Variants in PPP2R5A observed in about 807,000 individuals in gnomAD.
PPP2R5A encodes protein phosphatase 2 regulatory subunit B'alpha.
Under a neutral mutation model 64.2 loss-of-function variants are expected in PPP2R5A, and 25 were observed. That is an observed-to-expected ratio of 0.39 (90% confidence interval 0.28 to 0.54). The LOEUF (loss-of-function observed/expected upper bound fraction) is 0.54, where lower values mean the gene tolerates loss of function less well. Ranked by LOEUF, PPP2R5A falls within the 20% of genes least tolerant of loss-of-function variation. The pLI is 0.67. For synonymous variants in PPP2R5A, 198 were observed against 201.2 expected (o/e 0.98, Z 0.13); for missense variants, 425 against 576.3 (o/e 0.74, Z 2.69).
intron 1 of PPP2R5A, among the ~76,000 whole-genome samples, chr1:212,326,783 A>G (rs776605996): frequency 1.3e-5 from 2 of 152,260 alleles, no homozygotes; most frequent in Non-Finnish European, 1.5e-5. Context: ...GTGTGGAGCT[A>G]TCTTATTTTA....
chr1:212,345,056 T>G (rs904102286), intron 4 of PPP2R5A, among the ~76,000 whole-genome samples: 1 of 151,640 alleles, frequency 6.6e-6, no homozygotes, highest in Admixed American at 6.6e-5. Flanking sequence ...TCCCAGCTAG[T>G]TGGGAGGCTG....
At chr1:212,341,476 T>C (rs1345274646) in intron 3 of PPP2R5A, among the ~76,000 whole-genome samples, 1 of 152,210 alleles carries the variant, frequency 6.6e-6, no homozygotes, top group Non-Finnish European at 1.5e-5. Flanking sequence ...TTGTTGACTC[T>C]GCATTTAAGA....
intron 1 of PPP2R5A, chr1:212,302,171 G>A (rs1658809693): frequency 7.6e-7 from 1 of 1,313,656 alleles, no homozygotes; most frequent in East Asian, 2.5e-5. Flanking sequence ...TAGATTTTCT[G>A]GGAAGATGCA....
Position 212,357,042 on chromosome 1 carries a change from C to G in PPP2R5A, c.1071C>G (p.Ser357=). 6.2e-7 allele frequency: 1 copy of G among 1,611,890 alleles called. No homozygotes were observed. The highest frequency in any genetic ancestry group is 1.3e-5 in the African/African-American group (1 of 74,904). Residue 357 remains serine, a synonymous_variant, in exon 10 of 13, where the codon TCC becomes TCG. Coordinates refer to ENST00000261461, the MANE Select transcript of PPP2R5A (RefSeq NM_006243.4). ...AAGAGCCACTTTTCAAGCAGATATC[C>G]AAGTGTGTATCCAGTTCTCATTTTC... ...KIEEPLFKQI[S]KCVSSSHFQV...
At chr1:212,359,240 T>C (rs575809424) in intron 12 of PPP2R5A, among the ~76,000 whole-genome samples, 1 of 152,300 alleles carries the variant, frequency 6.6e-6, no homozygotes, top group East Asian at 1.9e-4. Flanking sequence ...GCTTCCAGAG[T>C]GAGCTTTACT....
chr1:212,297,825 C>CTTTTTTTCTTTTTTTTA (rs1368421837), intron 1 of PPP2R5A: 1 of 22,120 alleles, frequency 4.5e-5, no homozygotes, highest in Non-Finnish European at 7.6e-5. Context: ...TTTTTTTTTT[C>CTTTTTTTCTTTTTTTTA]TTTTTTATTT....
At chr1:212,290,824 A>G (rs1658588779) in intron 1 of PPP2R5A, among the ~76,000 whole-genome samples, 1 of 152,236 alleles carries the variant, frequency 6.6e-6, no homozygotes. Flanking sequence ...GTCTTCCTGC[A>G]TCAGTGATGA....
At position 212,305,194 on chromosome 1, in the gene PPP2R5A, G is replaced by A. The variant is rs1028707735; in HGVS notation, c.181+18903G>A. Among the ~76,000 whole-genome samples, 8 of 151,016 alleles carry A rather than the reference G, an allele frequency of 5.3e-5. No individual in the cohort carries two copies. In the East Asian group the frequency reaches 1.6e-3, roughly 30 times the overall value. ...TGGGACTATAGGCGCCCGCTACCAC[G>A]CCTGGCTAATGTTTTGTATTTTTAG... On this transcript the variant is annotated intron_variant, in intron 1 of 12. Coordinates refer to ENST00000261461, the MANE Select transcript of PPP2R5A (RefSeq NM_006243.4).
intron 2 of PPP2R5A, among the ~76,000 whole-genome samples, chr1:212,329,820 A>G (rs887539746): frequency 5.9e-5 from 9 of 152,112 alleles, no homozygotes; most frequent in East Asian, 5.8e-4. Flanking sequence ...CAATTTTTGT[A>G]TCTTCAGTAG....
chr1:212,359,960 G>A (rs1660050714), intron 12 of PPP2R5A, among the ~76,000 whole-genome samples: 1 of 152,084 alleles, frequency 6.6e-6, no homozygotes, highest in Non-Finnish European at 1.5e-5. Context: ...AAAAGGATTT[G>A]TCCTTTTAAC....
intron 1 of PPP2R5A, among the ~76,000 whole-genome samples, chr1:212,286,637 T>C (rs1291048668): frequency 6.6e-6 from 1 of 152,174 alleles, no homozygotes; most frequent in East Asian, 1.9e-4. Flanking sequence ...CCTTTCCCGG[T>C]CTTGCTTTAA....
chr1:212,294,035 A>G (rs766842578), intron 1 of PPP2R5A, among the ~76,000 whole-genome samples: 9 of 152,234 alleles, frequency 5.9e-5, no homozygotes, highest in Non-Finnish European at 1.3e-4. Context: ...GATAATAGCT[A>G]AAAGAGGTTG....
At chr1:212,303,716 A>G (rs376198457) in intron 1 of PPP2R5A, among the ~76,000 whole-genome samples, 3 of 152,260 alleles carry the variant, frequency 2.0e-5, no homozygotes, top group African/African-American at 4.8e-5. Context: ...ATTTTTATAT[A>G]GGGTATGACT....
chr1:212,348,810 T>C (rs1013051527), intron 7 of PPP2R5A, among the ~76,000 whole-genome samples: 8 of 152,214 alleles, frequency 5.3e-5, no homozygotes, highest in Admixed American at 2.0e-4. Flanking sequence ...TGCAATAACC[T>C]AGACCTAGTT....
At chr1:212,312,551 T>G (rs1659059382) in intron 1 of PPP2R5A, among the ~76,000 whole-genome samples, 1 of 152,198 alleles carries the variant, frequency 6.6e-6, no homozygotes, top group Non-Finnish European at 1.5e-5. Context: ...TGGACTAGAA[T>G]TTTAGCTTTT....
chr1:212,352,467 T>TC (rs200056613), intron 8 of PPP2R5A, among the ~76,000 whole-genome samples: 97 of 151,362 alleles, frequency 6.4e-4, no homozygotes, highest in Non-Finnish European at 1.9e-4. Flanking sequence ...TTTTTTTTTT[T>TC]CAGACAGGAT....
In PPP2R5A at chr1:212,329,269, G is replaced by A; in HGVS notation, c.316G>A (p.Glu106Lys). The change falls in exon 2 of 13, where the codon GAG becomes AAG. Residue 106 changes from glutamate (E) to lysine (K), a missense_variant. Glu to Lys is a moderately conservative substitution (Grantham distance 56). Transcript: ENST00000261461. ...AAGAGCAACACTGAATGAACTGGTT[G>A]AGTATGTTTCAACTAATCGTGGTGT... ...IKRATLNELV[E>K]YVSTNRGVIV... 6.2e-7 allele frequency: 1 copy of A among 1,611,460 alleles called. No individual in the cohort carries two copies. Among genetic ancestry groups the A allele is most frequent in the Non-Finnish European group, 8.5e-7 (1 of 1,179,336 alleles).
rs1021144393 is a variant in PPP2R5A, at chr1:212,335,809, A to G, written c.480+2211A>G. Among the ~76,000 whole-genome samples, 5 of 152,372 alleles carry G rather than the reference A, an allele frequency of 3.3e-5. No homozygotes were observed. The East Asian group carries it at 7.7e-4, about 23-fold the overall frequency. On this transcript the variant is annotated intron_variant, in intron 3 of 12. Transcript: ENST00000261461. ...AAATGTAAAGGTTTTACATATTCTC[A>G]TTAGCTGATAAGTTGATAAGCTGAT...
intron 8 of PPP2R5A, among the ~76,000 whole-genome samples, chr1:212,351,814 C>T (rs376560850): frequency 6.6e-6 from 1 of 151,972 alleles, no homozygotes; most frequent in Non-Finnish European, 1.5e-5. Context: ...AATGAAGAGT[C>T]GGCATGACTT....
Sources: gnomAD v4.1 joint callset for allele counts (sites outside exome capture counted in the v4.1 genomes callset) on GRCh38, gnomAD v4.1.1 for gene constraint, MANE v1.5 for transcripts, NCBI Gene and HGNC (gene_info 2026-07-23, HGNC 2026-07-21) for gene names.